Variants in MEGF6 observed in about 807,000 individuals in gnomAD.
The protein encoded by MEGF6 is multiple epidermal growth factor-like domains protein 6.
A neutral mutation model predicts 207.1 loss-of-function variants in MEGF6; 184 were observed. The observed-to-expected ratio is 0.89, with a 90% CI of 0.79 to 1.00. The LOEUF is 1.00. MEGF6 is among the 50% of genes least tolerant of loss of function. The pLI, the probability that MEGF6 is intolerant of heterozygous loss-of-function variation, is 0.00. For missense variants in MEGF6, 2,282 were observed against 2,202.9 expected (o/e 1.04, Z -0.72); for synonymous variants, 1,038 against 910.0 (o/e 1.14, Z -2.53).
At chr1:3,599,657 G>A (rs969359857) in intron 2 of MEGF6, among the ~76,000 whole-genome samples, 4 of 152,186 alleles carry the variant, frequency 2.6e-5, no homozygotes, top group African/African-American at 7.2e-5. Flanking sequence ...GTCGTGTGAC[G>A]GTGGAGGGCC....
Position 3,499,862 on chromosome 1 carries a change from C to T in MEGF6, c.2770G>A (p.Ala924Thr). Residue 924 changes from alanine (A) to threonine (T), a missense_variant, in exon 22 of 37, where the codon GCC becomes ACC. Physicochemically the swap from Ala to Thr is moderately conservative, Grantham distance 58. Coordinates refer to ENST00000356575, the MANE Select transcript of MEGF6 (RefSeq NM_001409.4). ...CAGGCCCCGCTGACGTGGTCACAGG[C>T]TGCTCCATGCTGACACTGGCACCGC... Reference protein sequence around the residue: ...EQRCQCQHGAACDHVSGACTC... With the variant: ...EQRCQCQHGATCDHVSGACTC... The T allele has an allele frequency of 6.4e-7, 1 of 1,556,594 alleles. No homozygotes were observed. The highest frequency in any genetic ancestry group is 1.2e-5 in the South Asian group (1 of 84,500).
Position 3,519,199 on chromosome 1 carries a change from C to T in MEGF6, c.605-3672G>A, listed in dbSNP as rs540219885. ...AGGGCCAGATCATCCTGCCCAGCGC[C>T]CGCCTTTCTGGGTGGTCAGCTCGGC... is the stretch of plus-strand genomic sequence containing the variant. On this transcript the variant is annotated intron_variant, in intron 5 of 36. Transcript: ENST00000356575. Among the ~76,000 whole-genome samples, 582 of 152,370 alleles carry T rather than the reference C, an allele frequency of 3.8e-3. 4 individuals carry two copies. The highest frequency in any genetic ancestry group is 6.4e-3 in the Non-Finnish European group (438 of 68,036).
chr1:3,496,689 G>A lies in MEGF6; in HGVS notation c.3708C>T (p.Cys1236=). The A allele has an allele frequency of 1.3e-6, 2 of 1,565,468 alleles. No individual in the cohort carries two copies. The highest frequency in any genetic ancestry group is 1.7e-6 in the Non-Finnish European group (2 of 1,155,510). ...AGTCCGTCCCGAGGAACCCAGTGGG[G>A]CAGCGGCAGGCCCCCGTGGCCGCAT... ...SCDAATGACR[C]PTGFLGTDCN... is the part of the protein sequence containing the mutation. Residue 1236 remains cysteine (C), a synonymous_variant, in exon 29 of 37, where the codon TGC becomes TGT. Coordinates refer to ENST00000356575, the MANE Select transcript of MEGF6 (RefSeq NM_001409.4).
At chr1:3,520,511 C>T (rs538784926) in intron 5 of MEGF6, among the ~76,000 whole-genome samples, 7 of 152,288 alleles carry the variant, frequency 4.6e-5, no homozygotes, top group Admixed American at 2.6e-4. Context: ...GCCCCACCCT[C>T]GGGCCTCACT....
chr1:3,567,804 G>A (rs1210026709), intron 4 of MEGF6, among the ~76,000 whole-genome samples: 1 of 152,210 alleles, frequency 6.6e-6, no homozygotes, highest in Non-Finnish European at 1.5e-5. Context: ...CCTGGTGCAG[G>A]CAGGACAGGC....
intron 3 of MEGF6, among the ~76,000 whole-genome samples, chr1:3,586,968 C>T (rs970573544): frequency 6.6e-6 from 1 of 152,220 alleles, no homozygotes; most frequent in Non-Finnish European, 1.5e-5. Flanking sequence ...CCTGGACCCC[C>T]ATCGATTCTG....
At chr1:3,563,556 G>A (rs532635400) in intron 4 of MEGF6, among the ~76,000 whole-genome samples, 31 of 152,310 alleles carry the variant, frequency 2.0e-4, no homozygotes, top group East Asian at 9.7e-4. Context: ...CCTGGCACCC[G>A]GGAAAGGCCA....
intron 4 of MEGF6, among the ~76,000 whole-genome samples, chr1:3,579,093 G>A (rs773787778): frequency 6.6e-6 from 1 of 152,248 alleles, no homozygotes; most frequent in Non-Finnish European, 1.5e-5. Context: ...GCCACTGGGA[G>A]TGTTTCATGC....
rs61744111 is a variant in MEGF6, at chr1:3,495,957, C to T, written c.3804G>A (p.Ala1268=). 7,261 of 1,586,212 alleles carry T rather than the reference C, an allele frequency of 4.6e-3. 297 individuals are homozygous for T. In the African/African-American group the frequency reaches 0.085, roughly 19 times the overall value. Residue 1268 remains alanine, a synonymous_variant, in exon 30 of 37, where the codon GCG becomes GCA. Transcript: ENST00000356575. ...CTHVCGCGQG[A]ACDPVTGTCL... is the part of the protein sequence containing the mutation. ...AGGTGCCGGTCACAGGGTCGCAGGC[C>T]GCCCCCTGCCCACACCCACACACGT...
chr1:3,540,833 C>T (rs1310844844), intron 4 of MEGF6, among the ~76,000 whole-genome samples: 2 of 152,222 alleles, frequency 1.3e-5, no homozygotes, highest in East Asian at 3.9e-4. Flanking sequence ...CTCTTCACAC[C>T]ATCACACTGG....
intron 4 of MEGF6, among the ~76,000 whole-genome samples, chr1:3,562,673 A>AC (rs1162046389): frequency 6.6e-6 from 1 of 151,708 alleles, no homozygotes; most frequent in African/African-American, 2.4e-5. Context: ...CTTGCTGGGA[A>AC]CCCCCCAGGT....
At position 3,524,143 on chromosome 1, in the gene MEGF6, A is replaced by G; in HGVS notation, c.585T>C (p.Thr195=). Residue 195 remains threonine (T), a synonymous_variant, in exon 5 of 37, where the codon ACT becomes ACC. Transcript: ENST00000356575. ...CECKPGFRLH[T]DSRTCLAINS... is the part of the protein sequence containing the mutation. The stretch of plus-strand genomic sequence containing the variant: ...ACTCACCCAGGCAGGTCCTGCTGTC[A>G]GTGTGGAGCCGGAAGCCGGGCTTGC... 6.2e-7 allele frequency: 1 copy of G among 1,612,498 alleles called. No homozygotes were observed. Among genetic ancestry groups the G allele is most frequent in the Non-Finnish European group, 8.5e-7 (1 of 1,179,724 alleles).
At chr1:3,537,582 G>A (rs1293364816) in intron 4 of MEGF6, among the ~76,000 whole-genome samples, 1 of 152,232 alleles carries the variant, frequency 6.6e-6, no homozygotes, top group Non-Finnish European at 1.5e-5. Flanking sequence ...CTGCCCTCAC[G>A]GACACCTGCA....
rs1203822087 is a variant in MEGF6, at chr1:3,514,606, G to A, written c.797C>T (p.Ala266Val). The stretch of plus-strand genomic sequence containing the variant: ...ATAGCCCACGTGGCACTCACAGCGG[G>A]CGAGGCCCCGGACCACCTGGCACCT... ...MHRCQVVRGL[A>V]RCECHVGYQL... The change falls in exon 7 of 37, where the codon GCC becomes GTC. Residue 266 changes from alanine to valine, a missense_variant. Coordinates refer to ENST00000356575, the MANE Select transcript of MEGF6 (RefSeq NM_001409.4). 6.3e-7 allele frequency: 1 copy of A among 1,579,914 alleles called. No homozygotes were observed. The highest frequency in any genetic ancestry group is 1.2e-5 in the South Asian group (1 of 86,692).
Position 3,511,987 on chromosome 1 carries a change from T to G in MEGF6, c.976+19A>C, listed in dbSNP as rs547435783. The G allele has an allele frequency of 2.6e-5, 42 of 1,611,660 alleles. No individual in the cohort carries two copies. In the African/African-American group the frequency reaches 4.8e-4, roughly 18 times the overall value. ...GGCCATCCCGGGCACCTTCAGCCTG[T>G]TGCCGGCTGCCCACTCACGGTAGCA... On this transcript the variant is annotated intron_variant, in intron 8 of 36. Transcript: ENST00000356575.
intron 4 of MEGF6, among the ~76,000 whole-genome samples, chr1:3,548,671 G>A (rs1335320743): frequency 2.6e-5 from 4 of 152,314 alleles, no homozygotes; most frequent in South Asian, 2.1e-4. Context: ...CTGGGAGGGC[G>A]GTGTCCAGGC....
In MEGF6 at chr1:3,601,990, C is replaced by T. The variant is rs550207899; in HGVS notation, c.266+476G>A. ...GCTCCCGGCACAACCCGCTTTGCGG[C>T]AGGGCTGGCTCTGCAGAGCCTGAGT... On this transcript the variant is annotated intron_variant, in intron 2 of 36. Coordinates refer to ENST00000356575, the MANE Select transcript of MEGF6 (RefSeq NM_001409.4). 8.8e-4 allele frequency among the ~76,000 whole-genome samples: 134 copies of T among 152,336 alleles called. 1 individual carries two copies. The highest frequency in any genetic ancestry group is 3.1e-3 in the African/African-American group (128 of 41,586).
At chr1:3,505,084 G>A in intron 17 of MEGF6, 124 bp downstream of exon 17, 1 of 1,368,370 alleles carries the variant, frequency 7.3e-7, no homozygotes, top group South Asian at 1.4e-5. Flanking sequence ...GGCACCACCT[G>A]GGCTTAGGCA....
intron 4 of MEGF6, among the ~76,000 whole-genome samples, chr1:3,543,156 C>A (rs1642582877): frequency 6.6e-6 from 1 of 152,240 alleles, no homozygotes; most frequent in African/African-American, 2.4e-5. Flanking sequence ...ACACACTGGC[C>A]TGGAGACGCT....
Sources: gnomAD v4.1 joint callset for allele counts (sites outside exome capture counted in the v4.1 genomes callset) on GRCh38, gnomAD v4.1.1 for gene constraint, MANE v1.5 for transcripts, NCBI Gene and HGNC (gene_info 2026-07-23, HGNC 2026-07-21) for gene names.